The following C11orf87 variants were observed in gnomAD, a reference collection of about 807,000 sequenced individuals.
C11orf87 encodes chromosome 11 open reading frame 87.
A neutral mutation model predicts 9.2 loss-of-function variants in C11orf87; 3 were observed. The observed-to-expected ratio is 0.33, with a 90% CI of 0.15 to 0.84. The LOEUF (loss-of-function observed/expected upper bound fraction) is 0.84, where lower values mean the gene tolerates loss of function less well. Ranked by LOEUF, C11orf87 falls within the 40% of genes least tolerant of loss-of-function variation. The probability of loss-of-function intolerance (pLI) is 0.55; values close to 1 mark genes in which losing one functional copy is unlikely to be tolerated. For missense variants in C11orf87, 256 were observed against 270.7 expected, an observed-to-expected ratio of 0.95 and a Z score of 0.38; for synonymous variants, 124 against 124.6, an observed-to-expected ratio of 1.00 and a Z score of 0.03.
chr11:109,428,101 A>G lies in C11orf87; in HGVS notation c.*3874A>G, dbSNP rs1214380543. The G allele has an allele frequency of 6.6e-6, 1 of 152,156 alleles. No homozygotes were observed. Among genetic ancestry groups the G allele is most frequent in the Non-Finnish European group, 1.5e-5 (1 of 67,986 alleles). 9.4% of individuals were successfully genotyped at this position (152,156 alleles called of 1,614,324 possible). A position where few individuals can be genotyped will look rare whatever the true frequency, so the allele number is the denominator to read the frequency against. The stretch of plus-strand genomic sequence containing the variant: ...GTGACTCAAATGTAGCAATGATAAT[A>G]AAGTTATGACCATATCAATGTGGTC... On this transcript the variant is annotated 3_prime_UTR_variant, in exon 2 of 2. Transcript: ENST00000327419.
chr11:109,428,490 C>A lies in C11orf87; in HGVS notation c.*4263C>A, dbSNP rs1860601544. On this transcript the variant is annotated 3_prime_UTR_variant, in exon 2 of 2. Transcript: ENST00000327419. ...TGGGTGAAAGTTGAACAATTGCTAG[C>A]TGATATTATGTGGAAGTTACAGGTT... 6.6e-6 allele frequency: 1 copy of A among 152,012 alleles called. No homozygotes were observed. Among genetic ancestry groups the A allele is most frequent in the East Asian group, 1.9e-4 (1 of 5,200 alleles). 9.4% of individuals were successfully genotyped at this position (152,012 alleles called of 1,614,324 possible). A position where few individuals can be genotyped will look rare whatever the true frequency, so the allele number is the denominator to read the frequency against.
rs1479872474 is a variant in C11orf87 at position 109,426,608 on chromosome 11, T to TAAA, written c.*2383_*2385dup. ...GCCTTAGTCACTTCCTAGTAATAGGTAAAAGAGTGCATTAACTCCCTCAGG... is the reference window on the plus strand; with the variant it reads ...GCCTTAGTCACTTCCTAGTAATAGGTAAAAAAAGAGTGCATTAACTCCCTCAGG... On this transcript the variant is annotated 3_prime_UTR_variant, in exon 2 of 2. Transcript: ENST00000327419. 1 of 152,094 alleles carries TAAA rather than the reference T, an allele frequency of 6.6e-6. No homozygotes were observed. The highest frequency in any genetic ancestry group is 1.5e-5 in the Non-Finnish European group (1 of 68,026). The allele number at this position is 152,094 out of a possible 1,614,324, so 9.4% of individuals were successfully genotyped here.
At position 109,423,961 on chromosome 11, in the gene C11orf87, C is replaced by A. The variant is rs1350053389; in HGVS notation, c.328C>A (p.Arg110Ser). The A allele has an allele frequency of 2.5e-6, 4 of 1,614,000 alleles. No homozygotes were observed. The highest frequency in any genetic ancestry group is 3.4e-6 in the Non-Finnish European group (4 of 1,179,872). ...TGAGCGGGATCACTGCAGCGGCAGC[C>A]GCGGTGGCGGGGGGCTGCCCCGACC... Reference protein sequence around the residue: ...EYERDHCSGSRGGGGLPRPGR... With the variant: ...EYERDHCSGSSGGGGLPRPGR... Residue 110 changes from arginine (R) to serine (S), a missense_variant, in exon 2 of 2, where the codon CGC (arginine) becomes AGC (serine). Physicochemically the swap from Arg to Ser is moderately radical, Grantham distance 110 (BLOSUM62 -1). Transcript: ENST00000327419. The surrounding 1 kb of genome is among the most constrained non-coding windows in gnomAD (Gnocchi z 5.3).
rs1421021014 is a variant in C11orf87 at position 109,425,277 on chromosome 11, C to A, written c.*1050C>A. The A allele has an allele frequency of 6.0e-6, 1 of 165,676 alleles. No individual in the cohort carries two copies. The highest frequency in any genetic ancestry group is 1.5e-5 in the Non-Finnish European group (1 of 68,008). 10.3% of individuals were successfully genotyped at this position (165,676 alleles called of 1,614,324 possible). A position where few individuals can be genotyped will look rare whatever the true frequency, so the allele number is the denominator to read the frequency against. ...TTATTATTAAACATTGCATAAGTTA[C>A]CTTTTTTGTAAAAAAAAAAAAGTAT... On this transcript the variant is annotated 3_prime_UTR_variant, in exon 2 of 2. Coordinates refer to ENST00000327419, the MANE Select transcript of C11orf87 (RefSeq NM_207645.4).
In C11orf87 at chr11:109,422,722, C is replaced by CTTTTTTTTTT. The variant is rs772868114; in HGVS notation, c.-260+476_-260+485dup. Among the ~76,000 whole-genome samples, 67 of 71,424 alleles carry CTTTTTTTTTT rather than the reference C, an allele frequency of 9.4e-4. 9 individuals carry two copies. Among genetic ancestry groups the CTTTTTTTTTT allele is most frequent in the African/African-American group, 4.5e-3 (65 of 14,488 alleles). 46.9% of individuals were successfully genotyped at this position (71,424 alleles called of 152,430 possible). A position where few individuals can be genotyped will look rare whatever the true frequency, so the allele number is the denominator to read the frequency against. On this transcript the variant is annotated intron_variant, in intron 1 of 1. Transcript: ENST00000327419. ...TCAGCTGAGAAAGATGCTTCAGCTG[C>CTTTTTTTTTT]TTTTTTTTTTTTTTTTTTTTTTTTT...
rs1284981029 is a variant in C11orf87, at chr11:109,427,235, T to C, written c.*3008T>C. On this transcript the variant is annotated 3_prime_UTR_variant, in exon 2 of 2. Coordinates refer to ENST00000327419, the MANE Select transcript of C11orf87 (RefSeq NM_207645.4). ...GCAACTTTAAATGTGTGTGCCTTTC[T>C]CCATTAATTGACTGTAGTTTAATAT... 6.6e-6 allele frequency: 1 copy of C among 152,224 alleles called. No homozygotes were observed. Among genetic ancestry groups the C allele is most frequent in the Admixed American group, 6.5e-5 (1 of 15,280 alleles). 9.4% of individuals were successfully genotyped at this position (152,224 alleles called of 1,614,324 possible).
rs1362935154 is a variant in C11orf87, at chr11:109,425,278, C to A, written c.*1051C>A. Reference sequence around the variant, plus strand: ...TATTATTAAACATTGCATAAGTTACCTTTTTTGTAAAAAAAAAAAAGTATT... The same window carrying A: ...TATTATTAAACATTGCATAAGTTACATTTTTTGTAAAAAAAAAAAAGTATT... On this transcript the variant is annotated 3_prime_UTR_variant, in exon 2 of 2. Coordinates refer to ENST00000327419, the MANE Select transcript of C11orf87 (RefSeq NM_207645.4). 2 of 165,312 alleles carry A rather than the reference C, an allele frequency of 1.2e-5. No individual in the cohort carries two copies. Among genetic ancestry groups the A allele is most frequent in the Non-Finnish European group, 2.9e-5 (2 of 67,976 alleles). The allele number at this position is 165,312 out of a possible 1,614,324, so 10.2% of individuals were successfully genotyped here.
chr11:109,423,345 A>G lies in C11orf87; in HGVS notation c.-259-30A>G, dbSNP rs1049254528. ...ACAGCACTCCCCTGGGCAGCGGCCGAGATTCTAACTAAGCTTTGTGTCTTT... is the reference window on the plus strand; with the variant it reads ...ACAGCACTCCCCTGGGCAGCGGCCGGGATTCTAACTAAGCTTTGTGTCTTT... On this transcript the variant is annotated intron_variant, in intron 1 of 1. Coordinates refer to ENST00000327419, the MANE Select transcript of C11orf87 (RefSeq NM_207645.4). The surrounding 1 kb of genome is among the most constrained non-coding windows in gnomAD (Gnocchi z 5.3). The G allele has an allele frequency of 2.0e-6, 1 of 496,276 alleles. No individual in the cohort carries two copies. The highest frequency in any genetic ancestry group is 3.6e-6 in the Non-Finnish European group (1 of 281,358). 30.7% of individuals were successfully genotyped at this position (496,276 alleles called of 1,614,324 possible).
Position 109,427,795 on chromosome 11 carries a change from G to A in C11orf87, c.*3568G>A, listed in dbSNP as rs527645152. On this transcript the variant is annotated 3_prime_UTR_variant, in exon 2 of 2. Coordinates refer to ENST00000327419, the MANE Select transcript of C11orf87 (RefSeq NM_207645.4). Reference sequence around the variant, plus strand: ...AAGATGTAGATGGATATAATATTTAGACTTTATATACACCCATAGATATGT... The same window carrying A: ...AAGATGTAGATGGATATAATATTTAAACTTTATATACACCCATAGATATGT... 2 of 152,150 alleles carry A rather than the reference G, an allele frequency of 1.3e-5. No homozygotes were observed. Among genetic ancestry groups the A allele is most frequent in the Non-Finnish European group, 2.9e-5 (2 of 67,956 alleles). 9.4% of individuals were successfully genotyped at this position (152,150 alleles called of 1,614,324 possible).
Position 109,424,211 on chromosome 11 carries a change from C to T in C11orf87, c.578C>T (p.Thr193Met), listed in dbSNP as rs368815365. Reference protein sequence around the residue: ...LDTAGEGLLQTVVLS With the variant: ...LDTAGEGLLQMVVLS ...ACAGCTGGCGAGGGCCTTTTGCAAA[C>T]GGTGGTACTGTCCTGATCGTCTAGC... The change falls in exon 2 of 2, where the codon ACG (threonine) becomes ATG (methionine). Residue 193 changes from threonine (T) to methionine (M), a missense_variant. Physicochemically the swap from Thr to Met is moderately conservative, Grantham distance 81 (BLOSUM62 -1). Transcript: ENST00000327419. The surrounding 1 kb of genome is among the most constrained non-coding windows in gnomAD (Gnocchi z 4.7). The T allele has an allele frequency of 3.7e-6, 6 of 1,613,864 alleles. No homozygotes were observed. The South Asian group carries it at 5.5e-5, about 15-fold the overall frequency.
rs1321033854 is a variant in C11orf87, at chr11:109,423,346, G to A, written c.-259-29G>A. 2.0e-5 allele frequency: 10 copies of A among 504,796 alleles called. No individual in the cohort carries two copies. Among genetic ancestry groups the A allele is most frequent in the Non-Finnish European group, 3.1e-5 (9 of 286,456 alleles). The allele number at this position is 504,796 out of a possible 1,614,324, so 31.3% of individuals were successfully genotyped here. On this transcript the variant is annotated intron_variant, in intron 1 of 1. Transcript: ENST00000327419. The surrounding 1 kb of genome is among the most constrained non-coding windows in gnomAD (Gnocchi z 5.3). ...CAGCACTCCCCTGGGCAGCGGCCGAGATTCTAACTAAGCTTTGTGTCTTTG... is the reference window on the plus strand; with the variant it reads ...CAGCACTCCCCTGGGCAGCGGCCGAAATTCTAACTAAGCTTTGTGTCTTTG...
chr11:109,427,619 A>T lies in C11orf87; in HGVS notation c.*3392A>T, dbSNP rs1436209225. On this transcript the variant is annotated 3_prime_UTR_variant, in exon 2 of 2. Transcript: ENST00000327419. ...TTATTCACTGATGTCCCGTCAAACT[A>T]AATGCTTCAAACCCCTATAGCTACA... 6.6e-6 allele frequency: 1 copy of T among 152,176 alleles called. No individual in the cohort carries two copies. The highest frequency in any genetic ancestry group is 1.5e-5 in the Non-Finnish European group (1 of 67,998). 9.4% of individuals were successfully genotyped at this position (152,176 alleles called of 1,614,324 possible). A position where few individuals can be genotyped will look rare whatever the true frequency, so the allele number is the denominator to read the frequency against.
Position 109,423,341 on chromosome 11 carries a change from G to A in C11orf87, c.-259-34G>A, listed in dbSNP as rs1364175379. On this transcript the variant is annotated intron_variant, in intron 1 of 1. Transcript: ENST00000327419. The surrounding 1 kb of genome is among the most constrained non-coding windows in gnomAD (Gnocchi z 5.3). Reference sequence around the variant, plus strand: ...CCCGACAGCACTCCCCTGGGCAGCGGCCGAGATTCTAACTAAGCTTTGTGT... The same window carrying A: ...CCCGACAGCACTCCCCTGGGCAGCGACCGAGATTCTAACTAAGCTTTGTGT... 2.0e-6 allele frequency: 1 copy of A among 495,216 alleles called. No individual in the cohort carries two copies. The highest frequency in any genetic ancestry group is 3.7e-5 in the East Asian group (1 of 27,128). 30.7% of individuals were successfully genotyped at this position (495,216 alleles called of 1,614,324 possible).
Position 109,424,256 on chromosome 11 carries a change from C to T in C11orf87, c.*29C>T. 2 of 1,561,010 alleles carry T rather than the reference C, an allele frequency of 1.3e-6. No homozygotes were observed. The highest frequency in any genetic ancestry group is 1.8e-6 in the Non-Finnish European group (2 of 1,141,514). Reference sequence around the variant, plus strand: ...TCTAGCCCCTCTCGTTCCCCGTCCTCGTTTCCAGCATCTTTGCCACCCTTG... The same window carrying T: ...TCTAGCCCCTCTCGTTCCCCGTCCTTGTTTCCAGCATCTTTGCCACCCTTG... On this transcript the variant is annotated 3_prime_UTR_variant, in exon 2 of 2. Coordinates refer to ENST00000327419, the MANE Select transcript of C11orf87 (RefSeq NM_207645.4). This position sits in a 1 kb window ranked among gnomAD's most constrained non-coding sequence, Gnocchi z 4.7.
chr11:109,425,144 T>C lies in C11orf87; in HGVS notation c.*917T>C, dbSNP rs1180032812. The C allele has an allele frequency of 6.0e-6, 1 of 166,786 alleles. No individual in the cohort carries two copies. The highest frequency in any genetic ancestry group is 1.5e-5 in the Non-Finnish European group (1 of 68,060). The allele number at this position is 166,786 out of a possible 1,614,324, so 10.3% of individuals were successfully genotyped here. ...GCCTCACCGTTCTGATTACTTCCTCTAGTTGTGAAGGCAGAGGAGGGGCTG... is the reference window on the plus strand; with the variant it reads ...GCCTCACCGTTCTGATTACTTCCTCCAGTTGTGAAGGCAGAGGAGGGGCTG... On this transcript the variant is annotated 3_prime_UTR_variant, in exon 2 of 2. Coordinates refer to ENST00000327419, the MANE Select transcript of C11orf87 (RefSeq NM_207645.4).
chr11:109,423,130 C>T lies in C11orf87; in HGVS notation c.-259-245C>T, dbSNP rs1466605383. On this transcript the variant is annotated intron_variant, in intron 1 of 1. Transcript: ENST00000327419. The surrounding 1 kb of genome is among the most constrained non-coding windows in gnomAD (Gnocchi z 5.3). ...GGCGGAAGGGAGGCTGCCTTATCTGCTGAGTAATCTGCACCTCCGCGGTGC... is the reference window on the plus strand; with the variant it reads ...GGCGGAAGGGAGGCTGCCTTATCTGTTGAGTAATCTGCACCTCCGCGGTGC... 6.6e-6 allele frequency among the ~76,000 whole-genome samples: 1 copy of T among 152,204 alleles called. No homozygotes were observed. The highest frequency in any genetic ancestry group is 6.5e-5 in the Admixed American group (1 of 15,280).
chr11:109,422,871 G>T (rs2134821321), intron 1 of C11orf87, among the ~76,000 whole-genome samples: 1 of 151,880 alleles, frequency 6.6e-6, no homozygotes, highest in African/African-American at 2.4e-5. Flanking sequence ...CCTGGGAATG[G>T]GACCCAAGGG....
In C11orf87 at chr11:109,422,717, A is replaced by G. The variant is rs141049753; in HGVS notation, c.-260+454A>G. On this transcript the variant is annotated intron_variant, in intron 1 of 1. Transcript: ENST00000327419. Reference sequence around the variant, plus strand: ...ATGTGTCAGCTGAGAAAGATGCTTCAGCTGCTTTTTTTTTTTTTTTTTTTT... The same window carrying G: ...ATGTGTCAGCTGAGAAAGATGCTTCGGCTGCTTTTTTTTTTTTTTTTTTTT... 1.4e-3 allele frequency among the ~76,000 whole-genome samples: 186 copies of G among 135,000 alleles called. 3 individuals are homozygous for G. The East Asian group carries it at 0.036, about 26-fold the overall frequency. 88.6% of individuals were successfully genotyped at this position (135,000 alleles called of 152,430 possible). A position where few individuals can be genotyped will look rare whatever the true frequency, so the allele number is the denominator to read the frequency against.
chr11:109,424,239 C>T lies in C11orf87; in HGVS notation c.*12C>T. On this transcript the variant is annotated 3_prime_UTR_variant, in exon 2 of 2. Transcript: ENST00000327419. This position sits in a 1 kb window ranked among gnomAD's most constrained non-coding sequence, Gnocchi z 4.7. ...TGGTACTGTCCTGATCGTCTAGCCCCTCTCGTTCCCCGTCCTCGTTTCCAG... is the reference window on the plus strand; with the variant it reads ...TGGTACTGTCCTGATCGTCTAGCCCTTCTCGTTCCCCGTCCTCGTTTCCAG... The T allele has an allele frequency of 6.3e-7, 1 of 1,594,422 alleles. No homozygotes were observed. The highest frequency in any genetic ancestry group is 8.6e-7 in the Non-Finnish European group (1 of 1,168,378).
Sources: gnomAD v4.1 joint callset for allele counts (sites outside exome capture counted in the v4.1 genomes callset) on GRCh38, gnomAD v4.1.1 for gene constraint, Gnocchi (gnomAD v3.1) non-coding constraint, MANE v1.5 for transcripts, NCBI Gene and HGNC (gene_info 2026-07-23, HGNC 2026-07-21) for gene names.